Variants in SI observed in about 807,000 individuals in gnomAD.
SI encodes the protein sucrase-isomaltase, intestinal.
A neutral mutation model predicts 253.3 loss-of-function variants in SI; 235 were observed. The observed-to-expected ratio is 0.93, with a 90% confidence interval of 0.83 to 1.03. SI has a LOEUF of 1.03. Ranked by LOEUF, SI falls within the 50% of genes least tolerant of loss-of-function variation. The pLI is 0.00. For missense variants in SI, 2,442 were observed against 2,211.1 expected (o/e 1.10, Z -2.09); for synonymous variants, 819 against 712.0 (o/e 1.15, Z -2.39).
In SI at chr3:165,060,009, T is replaced by G. The variant is rs1300178564; in HGVS notation, c.1039A>C (p.Met347Leu). Residue 347 changes from methionine (M) to leucine (L), a missense_variant, in exon 10 of 48, where the codon ATG (methionine) becomes CTG (leucine). Physicochemically the swap from Met to Leu is conservative, Grantham distance 15. Coordinates refer to ENST00000264382, the MANE Select transcript of SI (RefSeq NM_001041.4). Reference sequence around the variant, plus strand: ...AATCCAAGATTCCAATATGCTGGCATTGCTGGTAGTCCAACAAGCTTAAAG... The same window carrying G: ...AATCCAAGATTCCAATATGCTGGCAGTGCTGGTAGTCCAACAAGCTTAAAG... The part of the protein sequence containing the change: ...QYQQLVGLPA[M>L]PAYWNLGFQL... The G allele has an allele frequency of 6.2e-7, 1 of 1,611,798 alleles. No individual in the cohort carries two copies. The highest frequency in any genetic ancestry group is 8.5e-7 in the Non-Finnish European group (1 of 1,178,560).
chr3:165,048,275 G>A (rs1324615280), intron 15 of SI, among the ~76,000 whole-genome samples: 2 of 151,860 alleles, frequency 1.3e-5, no homozygotes, highest in East Asian at 3.9e-4. Flanking sequence ...TTGAAAATTA[G>A]TAGATAATGA....
chr3:165,032,930 C>T (rs1231747239), intron 23 of SI, among the ~76,000 whole-genome samples: 1 of 151,328 alleles, frequency 6.6e-6, no homozygotes, highest in Non-Finnish European at 1.5e-5. Flanking sequence ...CACATATATA[C>T]TCATTCTAGT....
At chr3:165,058,886 A>ACACACACACACACG (rs1318850807) in intron 12 of SI, 77 bp downstream of exon 12, 6 of 1,199,672 alleles carry the variant, frequency 5.0e-6, no homozygotes, top group Non-Finnish European at 6.1e-6. Flanking sequence ...ACACACACAC[A>ACACACACACACACG]CGCACATCCA....
chr3:165,074,332 A>T (rs1714799542), intron 3 of SI, 199 bp downstream of exon 3: 1 of 305,792 alleles, frequency 3.3e-6, no homozygotes, highest in African/African-American at 2.2e-5. Context: ...TGTTAATTTA[A>T]ATTGAGCAGA....
At chr3:165,070,861 T>G (rs1714527628) in intron 3 of SI, among the ~76,000 whole-genome samples, 1 of 152,118 alleles carries the variant, frequency 6.6e-6, no homozygotes, top group East Asian at 1.9e-4. Flanking sequence ...AAGTCCTAAC[T>G]CAAGGTGTCA....
At chr3:165,070,155 A>C (rs891788453) in intron 3 of SI, among the ~76,000 whole-genome samples, 1 of 137,924 alleles carries the variant, frequency 7.3e-6, no homozygotes, top group Admixed American at 8.1e-5. Flanking sequence ...TATATTTATT[A>C]TATATAAAAT....
At chr3:165,034,450 T>A (rs1180629286) in intron 22 of SI, among the ~76,000 whole-genome samples, 1 of 151,934 alleles carries the variant, frequency 6.6e-6, no homozygotes, top group Non-Finnish European at 1.5e-5. Context: ...TATCTCAACA[T>A]TGTTTGATTG....
intron 3 of SI, among the ~76,000 whole-genome samples, chr3:165,070,694 A>G (rs2108104694): frequency 6.6e-6 from 1 of 152,252 alleles, no homozygotes; most frequent in Admixed American, 6.6e-5. Flanking sequence ...TAAGCACACT[A>G]TAATCACAAT....
chr3:165,088,701 G>A, the SI span, among the ~76,000 whole-genome samples: 1 of 151,538 alleles, frequency 6.6e-6, no homozygotes, highest in African/African-American at 2.4e-5. Flanking sequence ...GGGTCAAATT[G>A]CTGGTAGCAT....
intron 3 of SI, among the ~76,000 whole-genome samples, chr3:165,070,178 AT>A (rs1714469585): frequency 1.1e-5 from 1 of 87,952 alleles, no homozygotes; most frequent in Admixed American, 1.3e-4. Context: ...ATTTTGATAT[AT>A]TTATTTATAT....
chr3:165,082,529 C>T (rs1715370915), upstream of SI, among the ~76,000 whole-genome samples: 1 of 151,902 alleles, frequency 6.6e-6, no homozygotes, highest in South Asian at 2.1e-4. Context: ...AACCCTATAC[C>T]TTTCATATTT....
At chr3:164,993,361 C>T (rs958686054) in intron 41 of SI, among the ~76,000 whole-genome samples, 5 of 150,470 alleles carry the variant, frequency 3.3e-5, no homozygotes, top group African/African-American at 1.2e-4. Flanking sequence ...TAATTTGAAT[C>T]CAGAAAGAAT....
In SI at chr3:164,996,473, A is replaced by G. The variant is rs114497045; in HGVS notation, c.4692+62T>C. The G allele has an allele frequency of 5.6e-3, 5,205 of 924,808 alleles. 31 individuals are homozygous for G. The highest frequency in any genetic ancestry group is 7.4e-3 in the Non-Finnish European group (4,070 of 551,934). The allele number at this position is 924,808 out of a possible 1,614,324, so 57.3% of individuals were successfully genotyped here. On this transcript the variant is annotated intron_variant, in intron 40 of 47. Coordinates refer to ENST00000264382, the MANE Select transcript of SI (RefSeq NM_001041.4). ...ACCAGCTAACCAAGCCATGTACACTAAAGTATAATGAAGCATAGCCCAAGT... is the reference window on the plus strand; with the variant it reads ...ACCAGCTAACCAAGCCATGTACACTGAAGTATAATGAAGCATAGCCCAAGT...
chr3:165,021,442 C>T, intron 26 of SI, 59 bp from the exon 27 acceptor site: 1 of 1,306,144 alleles, frequency 7.7e-7, no homozygotes. Context: ...ATGTACATAT[C>T]ATGAACTAAG....
chr3:165,050,001 T>C lies in SI; in HGVS notation c.1513-126A>G, dbSNP rs895746093. On this transcript the variant is annotated intron_variant, in intron 13 of 47. Coordinates refer to ENST00000264382, the MANE Select transcript of SI (RefSeq NM_001041.4). ...ATAATGCTCGTTAATTCCTAGAAGA[T>C]AAATATAAGCTACCAACCTAAAAAT... is the stretch of plus-strand genomic sequence containing the variant. The C allele has an allele frequency of 1.3e-5, 9 of 669,466 alleles. No homozygotes were observed. The African/African-American group carries it at 1.6e-4, about 12-fold the overall frequency. The allele number at this position is 669,466 out of a possible 1,614,324, so 41.5% of individuals were successfully genotyped here. A position where few individuals can be genotyped will look rare whatever the true frequency, so the allele number is the denominator to read the frequency against.
chr3:165,057,434 A>G (rs1332336044), intron 12 of SI, among the ~76,000 whole-genome samples: 1 of 152,092 alleles, frequency 6.6e-6, no homozygotes, highest in African/African-American at 2.4e-5. Context: ...GGAAAATGAC[A>G]GGAAACATCC....
the SI span, among the ~76,000 whole-genome samples, chr3:165,089,522 G>C: frequency 6.6e-6 from 1 of 152,146 alleles, no homozygotes; most frequent in African/African-American, 2.4e-5. Context: ...TCTGAGGGTG[G>C]GGAGCAGGAG....
At chr3:165,031,247 C>T (rs1201252772) in intron 24 of SI, among the ~76,000 whole-genome samples, 4 of 149,348 alleles carry the variant, frequency 2.7e-5, no homozygotes, top group African/African-American at 9.8e-5. Flanking sequence ...TTTTGATACC[C>T]ACCAAACATA....
Position 164,996,728 on chromosome 3 carries a change from A to G in SI, c.4575+10T>C. On this transcript the variant is annotated intron_variant, in intron 39 of 47. Transcript: ENST00000264382. ...TAATTTATGAAGATAAAAGGAATAA[A>G]ACTACTTACATATGACATTCCAAAC... The G allele has an allele frequency of 8.5e-7, 1 of 1,173,432 alleles. No individual in the cohort carries two copies. The highest frequency in any genetic ancestry group is 1.3e-6 in the Non-Finnish European group (1 of 790,326). The allele number at this position is 1,173,432 out of a possible 1,614,324, so 72.7% of individuals were successfully genotyped here. A position where few individuals can be genotyped will look rare whatever the true frequency, so the allele number is the denominator to read the frequency against.
Sources: allele counts gnomAD v4.1 joint callset (sites outside exome capture counted in the v4.1 genomes callset), GRCh38; gene constraint gnomAD v4.1.1; transcripts MANE v1.5; gene names NCBI Gene and HGNC (gene_info 2026-07-23, HGNC 2026-07-21).